SH3BP2: variants seen among roughly 807,000 people sequenced by gnomAD.
The protein encoded by SH3BP2 is SH3 domain binding protein 2, also known as SH3 domain-binding protein 2.
SH3BP2 carries 38 observed loss-of-function variants against 56.2 expected under a neutral mutation model. That is an observed-to-expected ratio of 0.68 (90% CI 0.52 to 0.89). The LOEUF (loss-of-function observed/expected upper bound fraction) is 0.89. SH3BP2 is among the 40% of genes least tolerant of loss of function. SH3BP2 has a pLI of 0.00. For synonymous variants in SH3BP2, 346 were observed against 316.7 expected (o/e 1.09, Z -0.98); for missense variants, 748 against 762.6 (o/e 0.98, Z 0.23).
chr4:2,806,262 G>A (rs181577165), intron 1 of SH3BP2, among the ~76,000 whole-genome samples: 360 of 152,324 alleles, frequency 2.4e-3, no homozygotes, highest in Middle Eastern at 0.01. Context: ...GCGGGGCTGG[G>A]GCATAGGGTG....
chr4:2,821,111 G>A (rs376518967), intron 2 of SH3BP2, among the ~76,000 whole-genome samples: 7 of 152,202 alleles, frequency 4.6e-5, no homozygotes, highest in African/African-American at 1.7e-4. Flanking sequence ...GTGAACCTAT[G>A]TGTCAAGTCC....
intron 7 of SH3BP2, among the ~76,000 whole-genome samples, chr4:2,828,411 G>A (rs1370081286): frequency 2.0e-5 from 3 of 151,706 alleles, no homozygotes; most frequent in South Asian, 4.2e-4. Flanking sequence ...TCAGGCTCCC[G>A]GGTCCAGCCC....
At chr4:2,801,897 C>G (rs1723296562) in intron 1 of SH3BP2, among the ~76,000 whole-genome samples, 1 of 152,132 alleles carries the variant, frequency 6.6e-6, no homozygotes, top group African/African-American at 2.4e-5. Context: ...TAGTTGAGGT[C>G]AGGAGTTCAA....
intron 5 of SH3BP2, among the ~76,000 whole-genome samples, chr4:2,825,932 C>T (rs991304959): frequency 7.2e-5 from 11 of 152,222 alleles, no homozygotes; most frequent in Non-Finnish European, 1.0e-4. Context: ...TGGCCCGAGA[C>T]GATGTGGAGG....
At chr4:2,796,550 C>A in intron 1 of SH3BP2, 1 of 803,428 alleles carries the variant, frequency 1.2e-6, no homozygotes, top group Non-Finnish European at 1.5e-6. Flanking sequence ...AGAATGTGGG[C>A]TCGGCCACCT....
chr4:2,817,813 A>G (rs1232254922), intron 1 of SH3BP2: 1 of 152,230 alleles, frequency 6.6e-6, no homozygotes. Context: ...GCCGCCCTCC[A>G]TGCAGGTGCC....
chr4:2,836,775 T>C lies in SH3BP2; in HGVS notation c.*2941T>C, dbSNP rs546930663. The stretch of plus-strand genomic sequence containing the variant: ...GCCCTCTGGGTCTGTGAGGGTGGGC[T>C]GGCAGGAGGCCTAGGCCTTGCCCTA... On this transcript the variant is annotated 3_prime_UTR_variant, in exon 13 of 13. Transcript: ENST00000503393. 5 of 152,384 alleles carry C rather than the reference T, an allele frequency of 3.3e-5. No homozygotes were observed. Among genetic ancestry groups the C allele is most frequent in the African/African-American group, 1.2e-4 (5 of 41,582 alleles). 9.4% of individuals were successfully genotyped at this position (152,384 alleles called of 1,614,324 possible). A position where few individuals can be genotyped will look rare whatever the true frequency, so the allele number is the denominator to read the frequency against.
At chr4:2,824,798 C>T (rs746920020) in intron 4 of SH3BP2, 68 bp downstream of exon 4, 1 of 1,239,632 alleles carries the variant, frequency 8.1e-7, no homozygotes, top group Admixed American at 1.7e-5. Context: ...CAGGCTGGAC[C>T]TGCCTTGGGG....
intron 1 of SH3BP2, among the ~76,000 whole-genome samples, chr4:2,809,355 T>TGCCC (rs1723654330): frequency 6.8e-6 from 1 of 147,044 alleles, no homozygotes. Context: ...CCAGGTTCAG[T>TGCCC]GCCCTCCCTC....
In SH3BP2 at chr4:2,822,663, C is replaced by T. The variant is rs140460018; in HGVS notation, c.137-272C>T. On this transcript the variant is annotated intron_variant, in intron 2 of 12. Transcript: ENST00000503393. ...CTTGCCTCATGCTGGCTCCACACAGCCCCCCAAATCTACCTCTTCTTTGTG... is the reference window on the plus strand; with the variant it reads ...CTTGCCTCATGCTGGCTCCACACAGTCCCCCAAATCTACCTCTTCTTTGTG... Among the ~76,000 whole-genome samples the T allele has an allele frequency of 1.9e-3, 284 of 152,360 alleles. 1 individual carries two copies. Among genetic ancestry groups the T allele is most frequent in the Non-Finnish European group, 3.5e-3 (239 of 68,030 alleles).
intron 7 of SH3BP2, among the ~76,000 whole-genome samples, chr4:2,828,833 C>G (rs1312571338): frequency 6.6e-6 from 1 of 152,216 alleles, no homozygotes; most frequent in Non-Finnish European, 1.5e-5. Flanking sequence ...TGGCGCCTGC[C>G]CTGTTCCTTG....
At chr4:2,799,716 C>T (rs553588928) in intron 1 of SH3BP2, among the ~76,000 whole-genome samples, 16 of 152,326 alleles carry the variant, frequency 1.1e-4, no homozygotes, top group African/African-American at 1.7e-4. Flanking sequence ...GCCACCCTTG[C>T]GGCAGGCAGG....
chr4:2,795,329 G>A (rs376487283), intron 1 of SH3BP2, among the ~76,000 whole-genome samples: 11 of 152,284 alleles, frequency 7.2e-5, no homozygotes, highest in South Asian at 2.1e-4. Flanking sequence ...GTCTTCCTGC[G>A]TTCTGTCCTC....
chr4:2,820,296 C>A (rs1000292186), intron 1 of SH3BP2, among the ~76,000 whole-genome samples: 6 of 152,204 alleles, frequency 3.9e-5, no homozygotes, highest in African/African-American at 1.4e-4. Context: ...CTCTACCCAG[C>A]CCCCGTGGGG....
At chr4:2,815,395 C>T (rs1000168086) in intron 1 of SH3BP2, among the ~76,000 whole-genome samples, 2 of 152,206 alleles carry the variant, frequency 1.3e-5, no homozygotes, top group Admixed American at 6.5e-5. Flanking sequence ...CTTGTCATGA[C>T]CTGTCCCCCT....
chr4:2,824,450 A>AT (rs1170734882), intron 3 of SH3BP2, among the ~76,000 whole-genome samples, 163 bp from the exon 4 acceptor site: 1 of 151,328 alleles, frequency 6.6e-6, no homozygotes, highest in Non-Finnish European at 1.5e-5. Context: ...CTGCCTGGGC[A>AT]TGAAGCTCAC....
chr4:2,796,252 G>A (rs370081360), intron 1 of SH3BP2: 6 of 191,878 alleles, frequency 3.1e-5, no homozygotes, highest in African/African-American at 4.8e-5. Flanking sequence ...AGGGTGACGC[G>A]AGAGAAGCAC....
In SH3BP2 at chr4:2,831,376, C is replaced by T. The variant is rs994940409; in HGVS notation, c.1242-195C>T. 1.3e-5 allele frequency among the ~76,000 whole-genome samples: 2 copies of T among 152,168 alleles called. No homozygotes were observed. Among genetic ancestry groups the T allele is most frequent in the African/African-American group, 4.8e-5 (2 of 41,438 alleles). On this transcript the variant is annotated intron_variant, in intron 8 of 12. Coordinates refer to ENST00000503393, the MANE Select transcript of SH3BP2 (RefSeq NM_001122681.2). The surrounding 1 kb of genome is among the most constrained non-coding windows in gnomAD (Gnocchi z 4.1). ...CCTGACCCCTGACTCCGGTGTCGGG[C>T]GATTCCTGCTGTCCCAGGGCAGTCG...
chr4:2,827,557 A>T (rs892819181), intron 6 of SH3BP2, 49 bp from the exon 7 acceptor site: 15 of 1,544,516 alleles, frequency 9.7e-6, no homozygotes, highest in Non-Finnish European at 1.1e-5. Flanking sequence ...TTGCTCGGAG[A>T]CTGGGCCTGG....
Sources: gnomAD v4.1 joint callset for allele counts (sites outside exome capture counted in the v4.1 genomes callset) on GRCh38, gnomAD v4.1.1 for gene constraint, Gnocchi (gnomAD v3.1) non-coding constraint, MANE v1.5 for transcripts, NCBI Gene and HGNC (gene_info 2026-07-23, HGNC 2026-07-21) for gene names.